NFATC2: variants seen among roughly 807,000 people sequenced by gnomAD.
NFATC2 encodes the protein nuclear factor of activated T-cells, cytoplasmic 2.
In NFATC2, 22 loss-of-function variants were observed where a neutral mutation model predicts 87.3. The ratio of observed to expected loss-of-function variants is 0.25; its 90% CI spans 0.18 to 0.36. The LOEUF (loss-of-function observed/expected upper bound fraction) is 0.36, where lower values mean the gene tolerates loss of function less well. NFATC2 is among the 10% of genes least tolerant of loss of function. The pLI, the probability that NFATC2 is intolerant of heterozygous loss-of-function variation, is 1.00. For synonymous variants in NFATC2, 565 were observed against 542.2 expected, an observed-to-expected ratio of 1.04 and a Z score of -0.58; for missense variants, 1,149 against 1,259.1, an observed-to-expected ratio of 0.91 and a Z score of 1.32.
chr20:51,515,020 G>A (rs1017209572), intron 3 of NFATC2, among the ~76,000 whole-genome samples: 3 of 152,202 alleles, frequency 2.0e-5, no homozygotes, highest in Admixed American at 2.0e-4. Context: ...CCCCTGCCAC[G>A]TGCAGGAAGT....
intron 5 of NFATC2, among the ~76,000 whole-genome samples, chr20:51,461,562 C>T (rs1987151162): frequency 1.3e-5 from 2 of 152,168 alleles, no homozygotes; most frequent in Admixed American, 6.5e-5. Context: ...GTTGGTTTAA[C>T]CAGTTTGGGT....
At chr20:51,444,173 A>G (rs1984742406) in intron 6 of NFATC2, among the ~76,000 whole-genome samples, 1 of 151,920 alleles carries the variant, frequency 6.6e-6, no homozygotes, top group African/African-American at 2.4e-5. Context: ...GTAGAGATGG[A>G]GTTTCACCAT....
intron 1 of NFATC2, among the ~76,000 whole-genome samples, chr20:51,557,215 T>C (rs1393306845): frequency 2.0e-5 from 3 of 152,162 alleles, no homozygotes; most frequent in Non-Finnish European, 2.9e-5. Context: ...AATGTGATAA[T>C]ATCTGTAAAG....
rs567983872 is a variant in NFATC2, at chr20:51,506,049, C to A, written c.1332+10735G>T. On this transcript the variant is annotated intron_variant, in intron 3 of 10. Coordinates refer to ENST00000371564, the MANE Select transcript of NFATC2 (RefSeq NM_012340.5). ...TAACCTTTGCAATGACCCTGGGAGG[C>A]AGGCATTCGTCTCAGCCTCCTGAAG... Among the ~76,000 whole-genome samples, 3 of 152,354 alleles carry A rather than the reference C, an allele frequency of 2.0e-5. No homozygotes were observed. The East Asian group carries it at 5.8e-4, about 29-fold the overall frequency.
chr20:51,490,002 T>C (rs924970583), intron 3 of NFATC2, among the ~76,000 whole-genome samples: 3 of 152,246 alleles, frequency 2.0e-5, no homozygotes, highest in African/African-American at 7.2e-5. Flanking sequence ...GTGCCAGGCC[T>C]GGCAGCTTTC....
At chr20:51,426,440 T>C (rs1256414754) in intron 9 of NFATC2, among the ~76,000 whole-genome samples, 6 of 151,708 alleles carry the variant, frequency 4.0e-5, no homozygotes, top group African/African-American at 1.5e-4. Flanking sequence ...ATCATGCCAC[T>C]GCACTCCAGC....
chr20:51,543,900 A>G (rs1374274076), upstream of NFATC2, among the ~76,000 whole-genome samples: 2 of 149,486 alleles, frequency 1.3e-5, no homozygotes, highest in Non-Finnish European at 3.0e-5. Context: ...CTTCCCACAT[A>G]TTAGAATCAC....
intron 9 of NFATC2, among the ~76,000 whole-genome samples, chr20:51,403,774 C>A (rs765325177): frequency 6.6e-6 from 1 of 152,180 alleles, no homozygotes; most frequent in African/African-American, 2.4e-5. Context: ...CTGATCTTGA[C>A]AGGATTCTCC....
chr20:51,542,519 C>A lies in NFATC2; in HGVS notation c.-20G>T. 1.4e-6 allele frequency: 2 copies of A among 1,410,572 alleles called. No homozygotes were observed. The highest frequency in any genetic ancestry group is 1.7e-5 in the South Asian group (1 of 60,406). The allele number at this position is 1,410,572 out of a possible 1,614,324, so 87.4% of individuals were successfully genotyped here. ...GTTCATGGCGCGCAGGGCGGGAAGG[C>A]TGCGGGGCCGGGGGCGAGGGCGGGC... On this transcript the variant is annotated 5_prime_UTR_variant, in exon 1 of 11. Coordinates refer to ENST00000371564, the MANE Select transcript of NFATC2 (RefSeq NM_012340.5).
rs1555873321 is a variant in NFATC2 at position 51,418,951 on chromosome 20, A to ACCAC, written c.2722+13115_2722+13116insGTGG. 4.7e-4 allele frequency among the ~76,000 whole-genome samples: 68 copies of ACCAC among 145,956 alleles called. 2 individuals are homozygous for ACCAC. Among genetic ancestry groups the ACCAC allele is most frequent in the African/African-American group, 1.8e-3 (68 of 37,318 alleles). On this transcript the variant is annotated intron_variant, in intron 9 of 10. Coordinates refer to ENST00000371564, the MANE Select transcript of NFATC2 (RefSeq NM_012340.5). ...AGTGCTGGGATTATAGGCGTGAGCC[A>ACCAC]CCCCCACCGCCCTAGGTTTTCTTTA...
intron 6 of NFATC2, among the ~76,000 whole-genome samples, chr20:51,452,631 C>T (rs1985942761): frequency 1.3e-5 from 2 of 152,298 alleles, no homozygotes; most frequent in South Asian, 2.1e-4. Context: ...TGAAACCCGT[C>T]CTCCCTGCCC....
At chr20:51,391,528 C>A (rs1003421790) in intron 10 of NFATC2, 77 bp from the exon 11 acceptor site, 36 of 1,439,360 alleles carry the variant, frequency 2.5e-5, no homozygotes, top group Non-Finnish European at 3.3e-5. Context: ...ATCAGGTTCA[C>A]TTTCTAGAAC....
chr20:51,398,965 G>A (rs1449740273), intron 9 of NFATC2: 1 of 465,670 alleles, frequency 2.1e-6, no homozygotes, highest in East Asian at 3.4e-5. Context: ...CATTATGTGG[G>A]GTGTGGGATC....
chr20:51,497,515 C>T (rs557492189), intron 3 of NFATC2, among the ~76,000 whole-genome samples: 3 of 152,150 alleles, frequency 2.0e-5, no homozygotes, highest in Non-Finnish European at 4.4e-5. Flanking sequence ...CCCGGTCCAG[C>T]CCCAGACCAC....
At position 51,524,007 on chromosome 20, in the gene NFATC2, G is replaced by A; in HGVS notation, c.234C>T (p.Leu78=). The A allele has an allele frequency of 6.4e-7, 1 of 1,565,828 alleles. No individual in the cohort carries two copies. The highest frequency in any genetic ancestry group is 8.6e-7 in the Non-Finnish European group (1 of 1,161,336). ...CGAATCGGCCGGGGGGCTCGCCAGA[G>A]AGACTAGCAAGGGGGCTGTATGGCT... ...GLKPYSPLAS[L]SGEPPGRFGE... Residue 78 remains leucine (L), a synonymous_variant, in exon 2 of 11, where the codon CTC becomes CTT. Coordinates refer to ENST00000371564, the MANE Select transcript of NFATC2 (RefSeq NM_012340.5). The surrounding 1 kb of genome is among the most constrained non-coding windows in gnomAD (Gnocchi z 4.0).
chr20:51,391,271 C>T lies in NFATC2; in HGVS notation c.*225G>A. 1.0e-6 allele frequency: 1 copy of T among 965,190 alleles called. No homozygotes were observed. The highest frequency in any genetic ancestry group is 1.7e-6 in the Non-Finnish European group (1 of 589,840). 59.8% of individuals were successfully genotyped at this position (965,190 alleles called of 1,614,324 possible). On this transcript the variant is annotated 3_prime_UTR_variant, in exon 11 of 11. Coordinates refer to ENST00000371564, the MANE Select transcript of NFATC2 (RefSeq NM_012340.5). ...TCCTTAAGTGAGAGTCCGCTTAGTG[C>T]CCATACATTGATCCGCGTGTGGACT...
At chr20:51,558,635 C>T (rs2076998144) in intron 1 of NFATC2, among the ~76,000 whole-genome samples, 1 of 152,108 alleles carries the variant, frequency 6.6e-6, no homozygotes, top group African/African-American at 2.4e-5. Flanking sequence ...TTCCTACCAC[C>T]CTCCAAAGAC....
intron 1 of NFATC2, among the ~76,000 whole-genome samples, chr20:51,534,246 C>T (rs1366938249): frequency 2.0e-4 from 7 of 34,782 alleles, no homozygotes; most frequent in South Asian, 1.8e-3. Context: ...GGGGCTGCAG[C>T]GGGGGCCAGG....
chr20:51,457,982 C>T (rs1425091844), intron 5 of NFATC2, among the ~76,000 whole-genome samples: 1 of 151,212 alleles, frequency 6.6e-6, no homozygotes, highest in African/African-American at 2.4e-5. Flanking sequence ...GCCTCCTGGG[C>T]TCAAGTGATC....
Sources: allele counts gnomAD v4.1 joint callset (sites outside exome capture counted in the v4.1 genomes callset), GRCh38; gene constraint gnomAD v4.1.1; non-coding constraint Gnocchi (gnomAD v3.1); transcripts MANE v1.5; gene names NCBI Gene and HGNC (gene_info 2026-07-23, HGNC 2026-07-21).